MVD: variants seen among roughly 807,000 people sequenced by gnomAD.
The protein encoded by MVD is diphosphomevalonate decarboxylase.
MVD carries 52 observed loss-of-function variants against 42.4 expected under a neutral mutation model. The observed-to-expected ratio is 1.23, with a 90% CI of 0.98 to 1.55. MVD has a LOEUF of 1.55. MVD is among the 40% of genes most tolerant of loss of function. MVD has a pLI of 0.00. For missense variants in MVD, 663 were observed against 572.1 expected (o/e 1.16, Z -1.62); for synonymous variants, 287 against 243.2 (o/e 1.18, Z -1.68).
Position 88,655,393 on chromosome 16 carries a change from C to G in MVD, c.703G>C (p.Ala235Pro). The G allele has an allele frequency of 6.3e-7, 1 of 1,587,272 alleles. No individual in the cohort carries two copies. Among genetic ancestry groups the G allele is most frequent in the Non-Finnish European group, 8.6e-7 (1 of 1,169,400 alleles). ...CAGCGGGCCATCTCCGCCATGCGCG[C>G]GGGCACCACGGACTCGGCCCGGAAC... Reference protein sequence around the residue: ...LRFRAESVVPARMAEMARCIR... With the variant: ...LRFRAESVVPPRMAEMARCIR... Residue 235 changes from alanine (A) to proline (P), a missense_variant, in exon 7 of 10, where the codon GCG becomes CCG. Ala to Pro is a conservative substitution (Grantham distance 27). Coordinates refer to ENST00000301012, the MANE Select transcript of MVD (RefSeq NM_002461.3).
At chr16:88,656,334 T>C in intron 4 of MVD, 30 bp from the exon 5 acceptor site, 1 of 1,596,794 alleles carries the variant, frequency 6.3e-7, no homozygotes, top group Non-Finnish European at 8.5e-7. Context: ...GGGAGGGTCC[T>C]CAGAGCTGCC....
At chr16:88,661,493 G>A (rs533245681) in intron 1 of MVD, among the ~76,000 whole-genome samples, 2 of 152,012 alleles carry the variant, frequency 1.3e-5, no homozygotes, top group Non-Finnish European at 2.9e-5. Flanking sequence ...CCAAGTGCTG[G>A]GATTACAGGC....
In MVD at chr16:88,657,456, G is replaced by A. The variant is rs776358937; in HGVS notation, c.383C>T (p.Ala128Val). 1.9e-5 allele frequency: 31 copies of A among 1,610,106 alleles called. No individual in the cohort carries two copies. The highest frequency in any genetic ancestry group is 1.8e-4 in the South Asian group (16 of 90,628). ...CCCACCTAGGCAGGCATAGCCCGCC[G>A]CTGAGGAGGCCAGGCCCGCAGCCGT... Reference protein sequence around the residue: ...FPTAAGLASSAAGYACLAYTL... With the variant: ...FPTAAGLASSVAGYACLAYTL... Residue 128 changes from alanine (A) to valine (V), a missense_variant, in exon 4 of 10, where the codon GCG becomes GTG. Coordinates refer to ENST00000301012, the MANE Select transcript of MVD (RefSeq NM_002461.3).
At chr16:88,657,794 T>G (rs1470299670) in intron 3 of MVD, 121 bp downstream of exon 3, 1 of 1,278,520 alleles carries the variant, frequency 7.8e-7, no homozygotes, top group African/African-American at 1.5e-5. Flanking sequence ...CCAGCGGGCA[T>G]GTCTGGTTCC....
chr16:88,655,091 A>T, intron 7 of MVD, 108 bp downstream of exon 7: 1 of 1,296,382 alleles, frequency 7.7e-7, no homozygotes, highest in Non-Finnish European at 1.1e-6. Context: ...TGGAGCTTTC[A>T]GACACAGATT....
intron 4 of MVD, chr16:88,656,660 G>A (rs950839272): frequency 2.6e-6 from 1 of 383,410 alleles, no homozygotes; most frequent in Non-Finnish European, 4.9e-6. Flanking sequence ...AGGCTGTGTG[G>A]GGCAGGGACC....
chr16:88,652,450 A>G lies in MVD; in HGVS notation c.*75T>C, dbSNP rs1907626375. The G allele has an allele frequency of 1.3e-6, 2 of 1,490,482 alleles. No individual in the cohort carries two copies. Among genetic ancestry groups the G allele is most frequent in the Non-Finnish European group, 9.1e-7 (1 of 1,094,082 alleles). 92.3% of individuals were successfully genotyped at this position (1,490,482 alleles called of 1,614,324 possible). ...ACCCACATGTCCCAGGAGTCCGGCC[A>G]GCCCACCACATCCGCTCCCTAGCTC... On this transcript the variant is annotated 3_prime_UTR_variant, in exon 10 of 10. Transcript: ENST00000301012.
intron 7 of MVD, 45 bp downstream of exon 7, chr16:88,655,136 CAGCACAAGCCTAGACACG>C (rs1907821442): frequency 2.6e-6 from 4 of 1,526,104 alleles, no homozygotes; most frequent in Non-Finnish European, 3.5e-6. Flanking sequence ...GTCTCCACGG[CAGCACAAGCCTAGACACG>C]CGCTACAGCG....
rs781061279 is a variant in MVD, at chr16:88,663,016, TTGA to T, written c.62_64del (p.Ile21del). ...GGCCGGCCCGCGGCACTCACAGTAC[TTGA>T]TGACCGCGATGTTGACCGGCGCTGT... is the stretch of plus-strand genomic sequence containing the variant. On this transcript the variant is annotated inframe_deletion, in exon 1 of 10. Coordinates refer to ENST00000301012, the MANE Select transcript of MVD (RefSeq NM_002461.3). 2.5e-6 allele frequency: 4 copies of T among 1,605,744 alleles called. No homozygotes were observed. The highest frequency in any genetic ancestry group is 1.7e-5 in the Admixed American group (1 of 59,208).
intron 1 of MVD, among the ~76,000 whole-genome samples, chr16:88,661,914 A>G (rs1908320588): frequency 7.8e-6 from 1 of 128,070 alleles, no homozygotes; most frequent in Non-Finnish European, 1.6e-5. Context: ...AGGTGTATAC[A>G]TATACACACA....
intron 2 of MVD, among the ~76,000 whole-genome samples, 155 bp from the exon 3 acceptor site, chr16:88,658,184 T>C (rs764314318): frequency 1.3e-5 from 2 of 152,150 alleles, no homozygotes; most frequent in Non-Finnish European, 2.9e-5. Flanking sequence ...AGCTGGGCAG[T>C]GGGGAAGCCC....
intron 1 of MVD, chr16:88,658,962 T>G: frequency 6.2e-6 from 3 of 483,480 alleles, no homozygotes; most frequent in Non-Finnish European, 7.7e-6. Flanking sequence ...CGCTCCCCAT[T>G]CCTTCATCGC....
At chr16:88,659,594 T>G (rs1161141162) in intron 1 of MVD, among the ~76,000 whole-genome samples, 1 of 152,054 alleles carries the variant, frequency 6.6e-6, no homozygotes, top group Non-Finnish European at 1.5e-5. Context: ...GCCCTAGACC[T>G]AGCCCTGCAG....
chr16:88,658,085 C>CT (rs1422192188), intron 2 of MVD, 56 bp from the exon 3 acceptor site: 3 of 1,543,564 alleles, frequency 1.9e-6, no homozygotes, highest in Non-Finnish European at 1.8e-6. Flanking sequence ...CGATGCCAGC[C>CT]AGGTACCCCT....
Position 88,655,415 on chromosome 16 carries a change from G to A in MVD, c.681C>T (p.Phe227=). 6.4e-7 allele frequency: 1 copy of A among 1,567,830 alleles called. No individual in the cohort carries two copies. Among genetic ancestry groups the A allele is most frequent in the African/African-American group, 1.3e-5 (1 of 74,190 alleles). The stretch of plus-strand genomic sequence containing the variant: ...GCGCGGGCACCACGGACTCGGCCCG[G>A]AACTGCAAGGCACAGGGTGTTTCCC... The part of the protein sequence containing the change: ...ASVETSPLLR[F]RAESVVPARM... The change falls in exon 7 of 10, where the codon TTC becomes TTT. Residue 227 remains phenylalanine (F), a splice_region_variant and synonymous_variant. Transcript: ENST00000301012.
At position 88,652,397 on chromosome 16, in the gene MVD, C is replaced by G. The variant is rs1378911207; in HGVS notation, c.*128G>C. 9.6e-7 allele frequency: 1 copy of G among 1,041,136 alleles called. No homozygotes were observed. The highest frequency in any genetic ancestry group is 1.4e-6 in the Non-Finnish European group (1 of 692,776). 64.5% of individuals were successfully genotyped at this position (1,041,136 alleles called of 1,614,324 possible). ...ACTCCCTGCACTGCCCCACAGCAAG[C>G]TGCCCATGGGCCCGGGGTCAAGCCA... On this transcript the variant is annotated 3_prime_UTR_variant, in exon 10 of 10. Coordinates refer to ENST00000301012, the MANE Select transcript of MVD (RefSeq NM_002461.3).
chr16:88,653,423 C>T lies in MVD; in HGVS notation c.1014-15G>A, dbSNP rs1479794566. The T allele has an allele frequency of 3.8e-6, 6 of 1,598,384 alleles. No homozygotes were observed. Among genetic ancestry groups the T allele is most frequent in the Non-Finnish European group, 4.3e-6 (5 of 1,172,920 alleles). Reference sequence around the variant, plus strand: ...CCTTCAGAAACCTGGAAAAGCAGGGCAGGGGCACGGTGAATGCATCCGTTT... The same window carrying T: ...CCTTCAGAAACCTGGAAAAGCAGGGTAGGGGCACGGTGAATGCATCCGTTT... On this transcript the variant is annotated splice_polypyrimidine_tract_variant and intron_variant, in intron 8 of 9. Transcript: ENST00000301012.
At position 88,652,330 on chromosome 16, in the gene MVD, G is replaced by A. The variant is rs941073066; in HGVS notation, c.*195C>T. The A allele has an allele frequency of 1.6e-6, 1 of 642,880 alleles. No homozygotes were observed. Among genetic ancestry groups the A allele is most frequent in the East Asian group, 2.7e-5 (1 of 36,628 alleles). 39.8% of individuals were successfully genotyped at this position (642,880 alleles called of 1,614,324 possible). A position where few individuals can be genotyped will look rare whatever the true frequency, so the allele number is the denominator to read the frequency against. On this transcript the variant is annotated 3_prime_UTR_variant, in exon 10 of 10. Transcript: ENST00000301012. ...GCTGGTGCAGCTTAGGGCAGCTGAA[G>A]CACTCGGCGGGGACCTCTCCTGACA...
rs1174127982 is a variant in MVD, at chr16:88,660,955, A to G, written c.70+2056T>C. The G allele has an allele frequency of 6.8e-5, 10 of 146,598 alleles. No individual in the cohort carries two copies. The East Asian group carries it at 2.0e-3, about 29-fold the overall frequency. 9.1% of individuals were successfully genotyped at this position (146,598 alleles called of 1,614,324 possible). A position where few individuals can be genotyped will look rare whatever the true frequency, so the allele number is the denominator to read the frequency against. ...CAGGAGGCGGAGGTTACAGTGAGCC[A>G]AGATTGTGCCACTGCACTCCAGCCT... On this transcript the variant is annotated intron_variant, in intron 1 of 9. Transcript: ENST00000301012.
Sources: allele counts gnomAD v4.1 joint callset (sites outside exome capture counted in the v4.1 genomes callset), GRCh38; gene constraint gnomAD v4.1.1; transcripts MANE v1.5; gene names NCBI Gene and HGNC (gene_info 2026-07-23, HGNC 2026-07-21).